Variants in CADPS2 observed in about 807,000 individuals in gnomAD.
The protein encoded by CADPS2 is calcium dependent secretion activator 2, also known as calcium-dependent secretion activator 2.
Under a neutral mutation model 172.5 loss-of-function variants are expected in CADPS2, and 93 were observed. That is an observed-to-expected ratio of 0.54 (90% CI 0.46 to 0.64). The LOEUF (loss-of-function observed/expected upper bound fraction) is 0.64. CADPS2 is among the 30% of genes least tolerant of loss of function. CADPS2 has a pLI of 0.00. For missense variants in CADPS2, 1,420 were observed against 1,565.9 expected, an observed-to-expected ratio of 0.91 and a Z score of 1.57; for synonymous variants, 546 against 555.2, an observed-to-expected ratio of 0.98 and a Z score of 0.23.
chr7:122,359,424 G>T (rs1444900467), intron 27 of CADPS2, among the ~76,000 whole-genome samples: 1 of 152,080 alleles, frequency 6.6e-6, no homozygotes, highest in Admixed American at 6.6e-5. Flanking sequence ...GGAAGTAAAT[G>T]AACCATTTTC....
chr7:122,541,890 T>TATATATTTATATATATTC (rs2063128822), intron 8 of CADPS2, among the ~76,000 whole-genome samples: 1 of 144,910 alleles, frequency 6.9e-6, no homozygotes, highest in African/African-American at 2.6e-5. Context: ...TATATATTCA[T>TATATATTTATATATATTC]ATATATTTAT....
At chr7:122,464,446 T>C (rs2054877385) in intron 14 of CADPS2, among the ~76,000 whole-genome samples, 1 of 152,250 alleles carries the variant, frequency 6.6e-6, no homozygotes, top group South Asian at 2.1e-4. Flanking sequence ...ATAGTTCTCC[T>C]TCTAGGAGTT....
chr7:122,486,368 T>C (rs1423739285), intron 11 of CADPS2, among the ~76,000 whole-genome samples: 4 of 152,100 alleles, frequency 2.6e-5, no homozygotes, highest in Non-Finnish European at 1.5e-5. Flanking sequence ...TTGGAGGAAG[T>C]TGATTCCAAC....
chr7:122,338,403 C>A (rs1049381639), intron 28 of CADPS2, among the ~76,000 whole-genome samples: 2 of 151,506 alleles, frequency 1.3e-5, no homozygotes, highest in Admixed American at 6.6e-5. Flanking sequence ...CAGAAAAAAA[C>A]AAACAAACAA....
Position 122,881,937 on chromosome 7 carries a change from C to T in CADPS2, c.339+4062G>A, listed in dbSNP as rs558619302. On this transcript the variant is annotated intron_variant, in intron 1 of 29. Coordinates refer to ENST00000449022, the MANE Select transcript of CADPS2 (RefSeq NM_017954.11). ...TATCTTTACTCCATCCTATTCCTCACTAATTCTTTGAGGCATGGACTGAAT... is the reference window on the plus strand; with the variant it reads ...TATCTTTACTCCATCCTATTCCTCATTAATTCTTTGAGGCATGGACTGAAT... Among the ~76,000 whole-genome samples, 34 of 152,268 alleles carry T rather than the reference C, an allele frequency of 2.2e-4. No individual in the cohort carries two copies. The South Asian group carries it at 7.0e-3, about 32-fold the overall frequency.
rs1057417136 is a variant in CADPS2 at position 122,458,952 on chromosome 7, T to G, written c.2187-7477A>C. 2.0e-5 allele frequency among the ~76,000 whole-genome samples: 3 copies of G among 151,658 alleles called. 1 individual carries two copies. The highest frequency in any genetic ancestry group is 4.3e-4 in the South Asian group (2 of 4,680). The stretch of plus-strand genomic sequence containing the variant: ...ATCACCCTCTGCCCTATAACTAATA[T>G]TTTTAAAAAACAACATATATTGTAA... On this transcript the variant is annotated intron_variant, in intron 14 of 29. Transcript: ENST00000449022.
At chr7:122,699,745 T>C (rs2085729608) in intron 2 of CADPS2, among the ~76,000 whole-genome samples, 1 of 152,168 alleles carries the variant, frequency 6.6e-6, no homozygotes, top group African/African-American at 2.4e-5. Flanking sequence ...GACTGATATC[T>C]AGGGAAGCTA....
At chr7:122,774,381 G>A (rs902707275) in intron 1 of CADPS2, among the ~76,000 whole-genome samples, 7 of 151,554 alleles carry the variant, frequency 4.6e-5, no homozygotes, top group African/African-American at 1.7e-4. Flanking sequence ...GTAAAGAGCT[G>A]TATTTTTTTC....
intron 1 of CADPS2, among the ~76,000 whole-genome samples, chr7:122,807,838 C>T (rs1799125774): frequency 6.6e-6 from 1 of 152,076 alleles, no homozygotes; most frequent in South Asian, 2.1e-4. Flanking sequence ...CCAGTAAGAC[C>T]AGATTAGGGA....
intron 1 of CADPS2, among the ~76,000 whole-genome samples, chr7:122,868,908 C>A (rs896469173): frequency 2.0e-5 from 3 of 151,992 alleles, no homozygotes; most frequent in Admixed American, 1.3e-4. Context: ...AATAACTGAG[C>A]TCAAAAATTC....
intron 8 of CADPS2, among the ~76,000 whole-genome samples, chr7:122,531,294 T>C (rs2061733568): frequency 6.6e-6 from 1 of 152,192 alleles, no homozygotes; most frequent in Non-Finnish European, 1.5e-5. Flanking sequence ...TTAGGGTATG[T>C]CTGAGGTCAA....
At chr7:122,653,538 GA>G (rs2135060696) in intron 3 of CADPS2, among the ~76,000 whole-genome samples, 1 of 152,238 alleles carries the variant, frequency 6.6e-6, no homozygotes, top group South Asian at 2.1e-4. Flanking sequence ...TATAACAAAA[GA>G]AAAAATATAC....
intron 1 of CADPS2, among the ~76,000 whole-genome samples, chr7:122,789,273 T>C (rs903857218): frequency 5.3e-5 from 8 of 152,130 alleles, no homozygotes; most frequent in Non-Finnish European, 1.2e-4. Flanking sequence ...AGTGTTTTTA[T>C]ACTCTTCAGA....
intron 9 of CADPS2, among the ~76,000 whole-genome samples, chr7:122,502,734 A>G (rs1209364884): frequency 1.3e-5 from 2 of 152,124 alleles, no homozygotes; most frequent in East Asian, 3.9e-4. Flanking sequence ...ATATGCGTTT[A>G]TTTCATTATT....
chr7:122,651,671 ACTTTG>A (rs2079160203), intron 3 of CADPS2, among the ~76,000 whole-genome samples: 1 of 152,120 alleles, frequency 6.6e-6, no homozygotes, highest in African/African-American at 2.4e-5. Flanking sequence ...ATCTCAGTTA[ACTTTG>A]CTTTGACACT....
intron 19 of CADPS2, among the ~76,000 whole-genome samples, chr7:122,411,509 C>T (rs1052181491): frequency 2.0e-4 from 31 of 152,102 alleles, no homozygotes; most frequent in East Asian, 1.4e-3. Context: ...TGTGAGCCAC[C>T]GCACCTGGCC....
At chr7:122,757,965 C>T (rs1180637696) in intron 1 of CADPS2, among the ~76,000 whole-genome samples, 2 of 152,068 alleles carry the variant, frequency 1.3e-5, no homozygotes, top group African/African-American at 4.8e-5. Flanking sequence ...ACTCTAGCTA[C>T]GATTTTTCCA....
At chr7:122,644,163 C>A (rs547851748) in intron 3 of CADPS2, among the ~76,000 whole-genome samples, 1 of 152,254 alleles carries the variant, frequency 6.6e-6, no homozygotes, top group South Asian at 2.1e-4. Flanking sequence ...GAGAGAATGA[C>A]CACCAAACAT....
chr7:122,423,345 C>A (rs1033986563), intron 17 of CADPS2, among the ~76,000 whole-genome samples: 3 of 152,194 alleles, frequency 2.0e-5, no homozygotes, highest in South Asian at 4.2e-4. Flanking sequence ...CCTGTCCCTG[C>A]CATCTGTCTG....
Sources: allele counts gnomAD v4.1 joint callset (sites outside exome capture counted in the v4.1 genomes callset), GRCh38; gene constraint gnomAD v4.1.1; transcripts MANE v1.5; gene names NCBI Gene and HGNC (gene_info 2026-07-23, HGNC 2026-07-21).